The following SEPTIN5 variants were observed in gnomAD, a reference collection of about 807,000 sequenced individuals.
The protein encoded by SEPTIN5 is septin-5.
Under a neutral mutation model 51.2 loss-of-function variants are expected in SEPTIN5, and 16 were observed. That is an observed-to-expected ratio of 0.31 (90% CI 0.21 to 0.47). The LOEUF (loss-of-function observed/expected upper bound fraction) is 0.47, where lower values mean the gene tolerates loss of function less well. Among genes scored for constraint, SEPTIN5 ranks in the 20% least tolerant of loss-of-function variants. The pLI is 0.99. For missense variants in SEPTIN5, 376 were observed against 500.3 expected, an observed-to-expected ratio of 0.75 and a Z score of 2.37; for synonymous variants, 208 against 191.2, an observed-to-expected ratio of 1.09 and a Z score of -0.72.
chr22:19,722,072 C>T, intron 10 of SEPTIN5, 115 bp downstream of exon 10: 1 of 1,171,022 alleles, frequency 8.5e-7, no homozygotes, highest in Non-Finnish European at 1.2e-6. Context: ...ATTCCCTAAG[C>T]CCCCCCCCTC....
chr22:19,714,819 G>A lies in SEPTIN5; in HGVS notation c.54+28G>A, dbSNP rs1461028024. The A allele has an allele frequency of 1.9e-6, 3 of 1,582,242 alleles. No homozygotes were observed. The highest frequency in any genetic ancestry group is 1.1e-5 in the South Asian group (1 of 89,498). ...ACGTGCGCAGCGCCGCTCCCCCGCC[G>A]GGAGACCCGGCCGGCTGTCACCCAT... On this transcript the variant is annotated intron_variant, in intron 2 of 11. Coordinates refer to ENST00000455784, the MANE Select transcript of SEPTIN5 (RefSeq NM_002688.6). This position sits in a 1 kb window ranked among gnomAD's most constrained non-coding sequence, Gnocchi z 5.2.
At chr22:19,716,198 T>C (rs1235691196) in intron 2 of SEPTIN5, among the ~76,000 whole-genome samples, 2 of 152,276 alleles carry the variant, frequency 1.3e-5, no homozygotes, top group South Asian at 2.1e-4. Flanking sequence ...GAAGGCACTG[T>C]GTGGCCAAGG....
Position 19,721,873 on chromosome 22 carries a change from G to A in SEPTIN5, c.866G>A (p.Arg289His). ...DFVKLRNMLIRTHMHDLKDVT... is the reference protein window; with the variant it reads ...DFVKLRNMLIHTHMHDLKDVT... ...GTGAAGCTGCGCAACATGCTCATCC[G>A]CACGCATATGCACGACCTCAAGGAC... The change falls in exon 10 of 12, where the codon CGC becomes CAC. Residue 289 changes from arginine (R) to histidine (H), a missense_variant. This residue lies in a region of SEPTIN5 where 287 missense variants were observed against 417.1 expected (regional missense o/e 0.69). Transcript: ENST00000455784. 1.3e-6 allele frequency: 2 copies of A among 1,589,982 alleles called. No homozygotes were observed. Among genetic ancestry groups the A allele is most frequent in the Non-Finnish European group, 1.7e-6 (2 of 1,165,858 alleles).
chr22:19,718,461 C>G, intron 2 of SEPTIN5: 1 of 1,133,384 alleles, frequency 8.8e-7, no homozygotes, highest in South Asian at 4.4e-5. Flanking sequence ...CCGCCTCTGG[C>G]TCGGGTGCGG....
At chr22:19,722,097 C>A in intron 10 of SEPTIN5, 140 bp downstream of exon 10, 1 of 1,233,852 alleles carries the variant, frequency 8.1e-7, no homozygotes. Context: ...AGAGCCTGGT[C>A]TCCCTAGAAC....
At position 19,723,106 on chromosome 22, in the gene SEPTIN5, C is replaced by T. The variant is rs1289603454; in HGVS notation, c.*622C>T. On this transcript the variant is annotated 3_prime_UTR_variant, in exon 12 of 12. Coordinates refer to ENST00000455784, the MANE Select transcript of SEPTIN5 (RefSeq NM_002688.6). ...CCTGGAGGGCCCCCGGGGCACTGGG[C>T]GGTGAGCCACCTCCTGGCAACTCTC... 7 of 538,296 alleles carry T rather than the reference C, an allele frequency of 1.3e-5. No homozygotes were observed. Among genetic ancestry groups the T allele is most frequent in the Non-Finnish European group, 2.1e-5 (6 of 279,638 alleles). The allele number at this position is 538,296 out of a possible 1,614,324, so 33.3% of individuals were successfully genotyped here. A position where few individuals can be genotyped will look rare whatever the true frequency, so the allele number is the denominator to read the frequency against.
At position 19,720,583 on chromosome 22, in the gene SEPTIN5, T is replaced by C. The variant is rs745638648; in HGVS notation, c.532T>C (p.Leu178=). 1.2e-6 allele frequency: 2 copies of C among 1,613,024 alleles called. No individual in the cohort carries two copies. The highest frequency in any genetic ancestry group is 1.7e-6 in the Non-Finnish European group (2 of 1,180,016). ...RPVDVGFMKA[L]HEKVNIVPLI... is the part of the protein sequence containing the mutation. ...AGTGGATGTGGGTTTCATGAAGGCA[T>C]TGCATGAGAAGGTCAACATCGTGCC... The change falls in exon 7 of 12, where the codon TTG becomes CTG. Residue 178 remains leucine (L), a synonymous_variant. Coordinates refer to ENST00000455784, the MANE Select transcript of SEPTIN5 (RefSeq NM_002688.6).
intron 7 of SEPTIN5, 38 bp from the exon 8 acceptor site, chr22:19,720,730 G>A (rs776818452): frequency 1.2e-6 from 2 of 1,612,342 alleles, no homozygotes; most frequent in Non-Finnish European, 1.7e-6. Context: ...AGGGGGACTT[G>A]TCTGGCCTCA....
chr22:19,720,287 C>G (rs200494938), intron 5 of SEPTIN5, 33 bp from the exon 6 acceptor site: 10 of 1,613,398 alleles, frequency 6.2e-6, no homozygotes, highest in Middle Eastern at 1.6e-4. Flanking sequence ...CCACAGCACT[C>G]GAGGCCTGGC....
In SEPTIN5 at chr22:19,714,710, C is replaced by G; in HGVS notation, c.44-71C>G. The G allele has an allele frequency of 6.5e-7, 1 of 1,538,394 alleles. No individual in the cohort carries two copies. Among genetic ancestry groups the G allele is most frequent in the Non-Finnish European group, 8.7e-7 (1 of 1,147,548 alleles). Reference sequence around the variant, plus strand: ...CGCGCCTCTCACCGTGTCTCTCCGTCTCTCCCCCGCCCGCCGGCCCGGACC... The same window carrying G: ...CGCGCCTCTCACCGTGTCTCTCCGTGTCTCCCCCGCCCGCCGGCCCGGACC... On this transcript the variant is annotated intron_variant, in intron 1 of 11. Coordinates refer to ENST00000455784, the MANE Select transcript of SEPTIN5 (RefSeq NM_002688.6). The surrounding 1 kb of genome is among the most constrained non-coding windows in gnomAD (Gnocchi z 5.2).
chr22:19,721,956 A>G lies in SEPTIN5; in HGVS notation c.949A>G (p.Ser317Gly). Reference sequence around the variant, plus strand: ...CGCGCACTGCATCCAGCAGATGACCAGGTGCGCGCCCCAGCCGCGAGCCAG... The same window carrying G: ...CGCGCACTGCATCCAGCAGATGACCGGGTGCGCGCCCCAGCCGCGAGCCAG... The part of the protein sequence containing the change: ...YRAHCIQQMT[S>G]KLTQDSRMES... Residue 317 changes from serine (S) to glycine (G), a missense_variant and splice_region_variant, in exon 10 of 12, where the codon AGC becomes GGC. Transcript: ENST00000455784. The G allele has an allele frequency of 6.2e-7, 1 of 1,605,742 alleles. No homozygotes were observed. The highest frequency in any genetic ancestry group is 8.5e-7 in the Non-Finnish European group (1 of 1,176,538).
In SEPTIN5 at chr22:19,714,515, G is replaced by T; in HGVS notation, c.-74G>T. ...GGAGGGGCCGCTCACCCCGCAGCCC[G>T]GCCTCGGCCTCCGCCGCTTGTCGTC... On this transcript the variant is annotated 5_prime_UTR_variant, in exon 1 of 12. Transcript: ENST00000455784. The surrounding 1 kb of genome is among the most constrained non-coding windows in gnomAD (Gnocchi z 5.2). 1.8e-6 allele frequency: 2 copies of T among 1,082,182 alleles called. No homozygotes were observed. Among genetic ancestry groups the T allele is most frequent in the Non-Finnish European group, 2.3e-6 (2 of 856,194 alleles). The allele number at this position is 1,082,182 out of a possible 1,614,324, so 67.0% of individuals were successfully genotyped here. A position where few individuals can be genotyped will look rare whatever the true frequency, so the allele number is the denominator to read the frequency against.
chr22:19,718,317 C>A, intron 2 of SEPTIN5: 1 of 846,402 alleles, frequency 1.2e-6, no homozygotes, highest in Non-Finnish European at 1.4e-6. Context: ...CGCCTCGGCT[C>A]AGCCCTGCCC....
chr22:19,722,208 C>T, intron 10 of SEPTIN5, 29 bp from the exon 11 acceptor site: 2 of 1,428,628 alleles, frequency 1.4e-6, no homozygotes, highest in East Asian at 2.4e-5. Context: ...TGGCGCCGCC[C>T]CGCCCATCCT....
chr22:19,718,722 TG>T lies in SEPTIN5; in HGVS notation c.55-873del, dbSNP rs371577180. On this transcript the variant is annotated intron_variant, in intron 2 of 11. Transcript: ENST00000455784. ...TGGGGTCCGAGCGTGCCCCCGGGCC[TG>T]GGGGGGTCGCCGCGATGGACTCGCT... The T allele has an allele frequency of 1.3e-3, 1,574 of 1,248,062 alleles. 27 individuals carry two copies. The East Asian group carries it at 0.024, about 19-fold the overall frequency. The allele number at this position is 1,248,062 out of a possible 1,614,324, so 77.3% of individuals were successfully genotyped here.
At chr22:19,718,623 T>G in intron 2 of SEPTIN5, 1 of 1,236,828 alleles carries the variant, frequency 8.1e-7, no homozygotes, top group Non-Finnish European at 1.0e-6. Flanking sequence ...CAAAACGGGG[T>G]GGACAACGCA....
chr22:19,720,268 C>A (rs1341589361), intron 5 of SEPTIN5, 30 bp downstream of exon 5: 2 of 1,613,328 alleles, frequency 1.2e-6, no homozygotes, highest in African/African-American at 2.7e-5. Flanking sequence ...AAAGGCCTTG[C>A]CTAGGCGGCC....
intron 2 of SEPTIN5, chr22:19,719,145 C>T (rs1322511380): frequency 4.1e-6 from 1 of 244,688 alleles, no homozygotes. Flanking sequence ...GCCACCGCCG[C>T]TGCCGCCGCC....
At chr22:19,717,284 T>C (rs1442487226) in intron 2 of SEPTIN5, 2 of 470,468 alleles carry the variant, frequency 4.3e-6, no homozygotes, top group Non-Finnish European at 8.8e-6. Flanking sequence ...CCCCATGTCC[T>C]GCTCCGCTGG....
Sources: allele counts gnomAD v4.1 joint callset (sites outside exome capture counted in the v4.1 genomes callset), GRCh38; gene constraint gnomAD v4.1.1; regional missense constraint gnomAD v4.1.1; non-coding constraint Gnocchi (gnomAD v3.1); transcripts MANE v1.5; gene names NCBI Gene and HGNC (gene_info 2026-07-23, HGNC 2026-07-21).